FAM161A: variants seen among roughly 807,000 people sequenced by gnomAD.
The protein encoded by FAM161A is protein FAM161A.
In FAM161A, 57 loss-of-function variants were observed where a neutral mutation model predicts 70.9. The ratio of observed to expected loss-of-function variants is 0.80; its 90% CI spans 0.65 to 1.00. The LOEUF is 1.00. Ranked by LOEUF, FAM161A falls within the 50% of genes least tolerant of loss-of-function variation. The pLI, the probability that FAM161A is intolerant of heterozygous loss-of-function variation, is 0.00. For missense variants in FAM161A, 880 were observed against 836.0 expected, an observed-to-expected ratio of 1.05 and a Z score of -0.65; for synonymous variants, 299 against 295.7, an observed-to-expected ratio of 1.01 and a Z score of -0.12.
chr2:61,838,480 TAA>T, intron 4 of FAM161A, 56 bp downstream of exon 4: 6 of 1,269,828 alleles, frequency 4.7e-6, no homozygotes, highest in South Asian at 2.8e-5. Flanking sequence ...ATCTACTGAT[TAA>T]AAAAAAAAGA....
chr2:61,824,032 CTT>C (rs1221098944), downstream of FAM161A, among the ~76,000 whole-genome samples: 2 of 141,806 alleles, frequency 1.4e-5, no homozygotes, highest in Admixed American at 1.4e-4. Context: ...TCTTTTTTTT[CTT>C]TTTTTTTTTT....
chr2:61,825,816 T>A lies in FAM161A; in HGVS notation c.*639A>T, dbSNP rs1229866046. 3.3e-5 allele frequency: 14 copies of A among 428,084 alleles called. No homozygotes were observed. In the Admixed American group the frequency reaches 3.8e-4, roughly 12 times the overall value. The allele number at this position is 428,084 out of a possible 1,614,324, so 26.5% of individuals were successfully genotyped here. A position where few individuals can be genotyped will look rare whatever the true frequency, so the allele number is the denominator to read the frequency against. On this transcript the variant is annotated 3_prime_UTR_variant, in exon 7 of 7. Coordinates refer to ENST00000404929, the MANE Select transcript of FAM161A (RefSeq NM_001201543.2). The stretch of plus-strand genomic sequence containing the variant: ...CCACGCCTGGCTAATTTTTTGTATT[T>A]TTAGTAGAGACGGGGTTTCATCGTG...
chr2:61,813,659 C>A, the FAM161A span, among the ~76,000 whole-genome samples: 1 of 144,566 alleles, frequency 6.9e-6, no homozygotes, highest in East Asian at 2.0e-4. Context: ...GGTGAGGCTG[C>A]AGTCAGCTGC....
chr2:61,805,045 G>A, the FAM161A span, among the ~76,000 whole-genome samples: 23 of 151,862 alleles, frequency 1.5e-4, no homozygotes, highest in South Asian at 3.7e-3. Flanking sequence ...AGGAAGTCAC[G>A]CCCATGAGCC....
rs1488300974 is a variant in FAM161A, at chr2:61,826,160, T to C, written c.*295A>G. The C allele has an allele frequency of 3.7e-6, 2 of 541,656 alleles. No homozygotes were observed. Among genetic ancestry groups the C allele is most frequent in the Admixed American group, 2.2e-5 (1 of 45,282 alleles). The allele number at this position is 541,656 out of a possible 1,614,324, so 33.6% of individuals were successfully genotyped here. A position where few individuals can be genotyped will look rare whatever the true frequency, so the allele number is the denominator to read the frequency against. ...CCAGTAAAATTAATGAAATAATGTA[T>C]ATTTTTATAACTAATCAGTTTGTGA... On this transcript the variant is annotated 3_prime_UTR_variant, in exon 7 of 7. Transcript: ENST00000404929.
At position 61,834,410 on chromosome 2, in the gene FAM161A, A is replaced by C. The variant is rs116054067; in HGVS notation, c.1851+1600T>G. Among the ~76,000 whole-genome samples the C allele has an allele frequency of 7.8e-3, 1,192 of 151,884 alleles. 11 individuals carry two copies. The highest frequency in any genetic ancestry group is 0.027 in the African/African-American group (1,119 of 41,440). ...AACCTACCTATTGGGTACTATGCTC[A>C]TTACCTGGGTGATGAGTTCAATCAT... On this transcript the variant is annotated intron_variant, in intron 5 of 6. Coordinates refer to ENST00000404929, the MANE Select transcript of FAM161A (RefSeq NM_001201543.2).
chr2:61,806,334 A>AC, the FAM161A span, among the ~76,000 whole-genome samples: 2 of 152,218 alleles, frequency 1.3e-5, no homozygotes, highest in African/African-American at 4.8e-5. Flanking sequence ...TTAAAAACTC[A>AC]CATTATTTTT....
At chr2:61,806,680 CTTTTTTTTTT>C in the FAM161A span, among the ~76,000 whole-genome samples, 87 of 61,578 alleles carry the variant, frequency 1.4e-3, no homozygotes, top group Admixed American at 1.8e-3. Context: ...CTTTCCACGT[CTTTTTTTTTT>C]TTTTTTTTTT....
chr2:61,840,604 T>A, intron 2 of FAM161A, 23 bp from the exon 3 acceptor site: 1 of 1,501,046 alleles, frequency 6.7e-7, no homozygotes, highest in Non-Finnish European at 9.3e-7. Context: ...AATAACTATG[T>A]TATACTTTCA....
In FAM161A at chr2:61,838,951, C is replaced by T. The variant is rs913755203; in HGVS notation, c.1584-246G>A. Among the ~76,000 whole-genome samples, 10 of 150,646 alleles carry T rather than the reference C, an allele frequency of 6.6e-5. No individual in the cohort carries two copies. The East Asian group carries it at 1.4e-3, about 20-fold the overall frequency. On this transcript the variant is annotated intron_variant, in intron 3 of 6. Coordinates refer to ENST00000404929, the MANE Select transcript of FAM161A (RefSeq NM_001201543.2). Reference sequence around the variant, plus strand: ...AGGCTGGAGTGCCATGGCGTGATCTCGGCTCACTGCAACCTCTGCCTCCTG... The same window carrying T: ...AGGCTGGAGTGCCATGGCGTGATCTTGGCTCACTGCAACCTCTGCCTCCTG...
intron 1 of FAM161A, chr2:61,847,099 T>C (rs1673247285): frequency 5.9e-6 from 2 of 336,194 alleles, no homozygotes; most frequent in Non-Finnish European, 1.2e-5. Flanking sequence ...GAGGCAGAGG[T>C]TGCAGTGAAC....
Position 61,826,186 on chromosome 2 carries a change from C to G in FAM161A, c.*269G>C, listed in dbSNP as rs1177563690. 1.7e-6 allele frequency: 1 copy of G among 596,332 alleles called. No individual in the cohort carries two copies. The highest frequency in any genetic ancestry group is 1.5e-5 in the South Asian group (1 of 65,722). 36.9% of individuals were successfully genotyped at this position (596,332 alleles called of 1,614,324 possible). ...ATTTTTATAACTAATCAGTTTGTGA[C>G]AGCTGTGGTTCTCACTTTTTAAAAA... On this transcript the variant is annotated 3_prime_UTR_variant, in exon 7 of 7. Transcript: ENST00000404929.
the FAM161A span, among the ~76,000 whole-genome samples, chr2:61,816,643 AG>A: frequency 6.6e-6 from 1 of 151,768 alleles, no homozygotes; most frequent in African/African-American, 2.4e-5. Context: ...TATTTTTTGT[AG>A]AGACGGCGGG....
chr2:61,812,307 A>C, the FAM161A span, among the ~76,000 whole-genome samples: 1 of 152,184 alleles, frequency 6.6e-6, no homozygotes, highest in Non-Finnish European at 1.5e-5. Flanking sequence ...CTCAGTACCT[A>C]GATTTTTTGT....
At chr2:61,847,097 G>C (rs776409043) in intron 1 of FAM161A, 1 of 337,058 alleles carries the variant, frequency 3.0e-6, no homozygotes, top group African/African-American at 2.2e-5. Context: ...AGGAGGCAGA[G>C]GTTGCAGTGA....
chr2:61,804,668 G>C, the FAM161A span, among the ~76,000 whole-genome samples: 1 of 151,172 alleles, frequency 6.6e-6, no homozygotes, highest in African/African-American at 2.4e-5. Context: ...CTGGGCGAAA[G>C]AGTGAGACTC....
intron 1 of FAM161A, chr2:61,847,084 T>A: frequency 2.9e-6 from 1 of 346,002 alleles, no homozygotes; most frequent in Non-Finnish European, 5.8e-6. Flanking sequence ...ATCGCTTGAA[T>A]CCAGGAGGCA....
At chr2:61,803,554 G>A in the FAM161A span, among the ~76,000 whole-genome samples, 33 of 152,320 alleles carry the variant, frequency 2.2e-4, no homozygotes, top group East Asian at 7.7e-4. Context: ...AGTGGCTTAC[G>A]CCTGTAATCC....
chr2:61,836,036 G>T lies in FAM161A; in HGVS notation c.1825C>A (p.Pro609Thr). ...TGAGCAACTCTTTCAAATAGCAGTG[G>T]CCTCTTTTTTAATTTTTCTTCTCTT... ...EEREEKLKKR[P>T]LLFERVAQKN... The change falls in exon 5 of 7, where the codon CCA (proline) becomes ACA (threonine). Residue 609 changes from proline (P) to threonine (T), a missense_variant. Physicochemically the swap from Pro to Thr is conservative, Grantham distance 38. Transcript: ENST00000404929. 2 of 1,609,020 alleles carry T rather than the reference G, an allele frequency of 1.2e-6. No individual in the cohort carries two copies. The highest frequency in any genetic ancestry group is 8.5e-7 in the Non-Finnish European group (1 of 1,177,956).
Sources: gnomAD v4.1 joint callset for allele counts (sites outside exome capture counted in the v4.1 genomes callset) on GRCh38, gnomAD v4.1.1 for gene constraint, MANE v1.5 for transcripts, NCBI Gene and HGNC (gene_info 2026-07-23, HGNC 2026-07-21) for gene names.